Variants in GRIP1 observed in about 807,000 individuals in gnomAD.
The protein encoded by GRIP1 is glutamate receptor-interacting protein 1.
GRIP1 carries 45 observed loss-of-function variants against 129.9 expected under a neutral mutation model. That is an observed-to-expected ratio of 0.35 (90% CI 0.27 to 0.44). The LOEUF (loss-of-function observed/expected upper bound fraction) is 0.44, where lower values mean the gene tolerates loss of function less well. GRIP1 is among the 20% of genes least tolerant of loss of function. The pLI, the probability that GRIP1 is intolerant of heterozygous loss-of-function variation, is 1.00. For missense variants in GRIP1, 1,196 were observed against 1,396.8 expected (o/e 0.86, Z 2.29); for synonymous variants, 530 against 520.8 (o/e 1.02, Z -0.24).
At chr12:66,860,621 C>T (rs1041401119) in intron 1 of GRIP1, among the ~76,000 whole-genome samples, 1 of 152,044 alleles carries the variant, frequency 6.6e-6, no homozygotes, top group African/African-American at 2.4e-5. Context: ...ATCTGCAACA[C>T]AAGCCCAAGT....
intron 1 of GRIP1, among the ~76,000 whole-genome samples, chr12:66,983,135 C>T (rs537687348): frequency 8.5e-5 from 13 of 152,172 alleles, no homozygotes; most frequent in African/African-American, 2.2e-4. Context: ...TATGGCATTA[C>T]GGCAGTGCCA....
At position 66,465,327 on chromosome 12, in the gene GRIP1, T is replaced by C. The variant is rs2059257106; in HGVS notation, c.820A>G (p.Asn274Asp). 4.3e-6 allele frequency: 7 copies of C among 1,613,950 alleles called. No individual in the cohort carries two copies. The highest frequency in any genetic ancestry group is 5.9e-6 in the Non-Finnish European group (7 of 1,179,798). ...GVALTTSMCC[N>D]KQVIVIDKIK... Reference sequence around the variant, plus strand: ...TTGTCTATGACAATGACTTGTTTGTTACAGCACATCGAGGTAGTTAGGGCA... The same window carrying C: ...TTGTCTATGACAATGACTTGTTTGTCACAGCACATCGAGGTAGTTAGGGCA... Residue 274 changes from asparagine to aspartate, a missense_variant, in exon 8 of 25, where the codon AAC (asparagine) becomes GAC (aspartate). Physicochemically the swap from Asn to Asp is conservative, Grantham distance 23. Coordinates refer to ENST00000359742, the MANE Select transcript of GRIP1 (RefSeq NM_001366722.1).
chr12:66,844,996 G>A (rs1011086195), intron 1 of GRIP1, among the ~76,000 whole-genome samples: 8 of 152,120 alleles, frequency 5.3e-5, no homozygotes, highest in East Asian at 1.9e-4. Context: ...AATGGACATC[G>A]ACTTTCAGTT....
intron 1 of GRIP1, among the ~76,000 whole-genome samples, chr12:66,915,289 C>T (rs147902760): frequency 6.6e-6 from 1 of 152,260 alleles, no homozygotes; most frequent in East Asian, 1.9e-4. Flanking sequence ...AAATGCCAAA[C>T]TGTTTGGTAA....
At chr12:66,399,681 CTTCTTG>C (rs2056914694) in intron 16 of GRIP1, among the ~76,000 whole-genome samples, 1 of 151,914 alleles carries the variant, frequency 6.6e-6, no homozygotes, top group African/African-American at 2.4e-5. Context: ...TATTTTCAGG[CTTCTTG>C]AGTGCTGCCT....
At chr12:66,503,374 T>G (rs913314029) in intron 7 of GRIP1, among the ~76,000 whole-genome samples, 2 of 152,008 alleles carry the variant, frequency 1.3e-5, no homozygotes, top group African/African-American at 2.4e-5. Context: ...GGAGGGCACA[T>G]GCAGGCAGCC....
chr12:66,683,581 G>A (rs1027900868), upstream of GRIP1, among the ~76,000 whole-genome samples: 2 of 152,118 alleles, frequency 1.3e-5, no homozygotes, highest in Non-Finnish European at 2.9e-5. Context: ...TGCAAATCTG[G>A]GGTGATTAAA....
intron 1 of GRIP1, among the ~76,000 whole-genome samples, chr12:66,669,311 C>A (rs1420567580): frequency 6.6e-6 from 1 of 151,958 alleles, no homozygotes; most frequent in Non-Finnish European, 1.5e-5. Flanking sequence ...TCACTTGAAC[C>A]CAGGAGGCGG....
intron 1 of GRIP1, among the ~76,000 whole-genome samples, chr12:66,813,533 C>T (rs932681926): frequency 1.3e-5 from 2 of 152,170 alleles, no homozygotes; most frequent in African/African-American, 4.8e-5. Flanking sequence ...ATGGAAGTGA[C>T]TCTGGGGGCT....
At chr12:66,413,305 C>G (rs1028637795) in intron 15 of GRIP1, among the ~76,000 whole-genome samples, 12 of 152,176 alleles carry the variant, frequency 7.9e-5, no homozygotes, top group Non-Finnish European at 1.5e-5. Flanking sequence ...GAAATTCACT[C>G]TAAACCACAC....
At chr12:66,724,645 C>A (rs781627926) in intron 1 of GRIP1, among the ~76,000 whole-genome samples, 1 of 152,174 alleles carries the variant, frequency 6.6e-6, no homozygotes, top group South Asian at 2.1e-4. Flanking sequence ...ATGCAGTATT[C>A]TGTACCATAC....
At chr12:66,772,395 A>G (rs1050148259) in intron 1 of GRIP1, among the ~76,000 whole-genome samples, 1 of 152,232 alleles carries the variant, frequency 6.6e-6, no homozygotes, top group Non-Finnish European at 1.5e-5. Context: ...GGGAGCTAAA[A>G]CCCCAAATAA....
intron 7 of GRIP1, among the ~76,000 whole-genome samples, chr12:66,478,854 G>C (rs1565783574): frequency 1.3e-5 from 2 of 152,122 alleles, no homozygotes; most frequent in African/African-American, 4.8e-5. Flanking sequence ...ACAGGAAGGG[G>C]AACATCACAC....
chr12:66,752,209 G>A (rs2037149762), intron 1 of GRIP1, among the ~76,000 whole-genome samples: 1 of 149,066 alleles, frequency 6.7e-6, no homozygotes, highest in South Asian at 2.1e-4. Flanking sequence ...AAGACACAGT[G>A]GAGGCTCTGG....
chr12:66,379,512 A>G (rs2055995922), intron 19 of GRIP1, 76 bp from the exon 20 acceptor site: 2 of 1,416,600 alleles, frequency 1.4e-6, no homozygotes, highest in Non-Finnish European at 2.0e-6. Flanking sequence ...GTTAACCAGT[A>G]GAGGAGTCAA....
At chr12:66,644,243 G>C (rs1402722799) in intron 1 of GRIP1, among the ~76,000 whole-genome samples, 2 of 152,038 alleles carry the variant, frequency 1.3e-5, no homozygotes, top group African/African-American at 4.8e-5. Flanking sequence ...ATTTGGGTGG[G>C]GACACAGGGC....
chr12:66,788,814 T>C (rs2038441146), intron 1 of GRIP1, among the ~76,000 whole-genome samples: 1 of 152,152 alleles, frequency 6.6e-6, no homozygotes, highest in African/African-American at 2.4e-5. Flanking sequence ...GCCTATACTT[T>C]GGTCACAGCC....
At chr12:66,504,535 G>T (rs2060476038) in intron 7 of GRIP1, among the ~76,000 whole-genome samples, 1 of 152,122 alleles carries the variant, frequency 6.6e-6, no homozygotes, top group South Asian at 2.1e-4. Flanking sequence ...CAGGTAGATG[G>T]TGTAGGTAAT....
chr12:66,707,605 T>C (rs1348592140), intron 1 of GRIP1, among the ~76,000 whole-genome samples: 5 of 151,860 alleles, frequency 3.3e-5, no homozygotes, highest in Admixed American at 1.3e-4. Context: ...GTAACACTTC[T>C]TTTTAAAAGA....
Sources: allele counts gnomAD v4.1 joint callset (sites outside exome capture counted in the v4.1 genomes callset), GRCh38; gene constraint gnomAD v4.1.1; transcripts MANE v1.5; gene names NCBI Gene and HGNC (gene_info 2026-07-23, HGNC 2026-07-21).